Variants in ARHGAP15 observed in about 807,000 individuals in gnomAD.
ARHGAP15 encodes Rho GTPase activating protein 15.
Under a neutral mutation model 63.7 loss-of-function variants are expected in ARHGAP15, and 51 were observed. The observed-to-expected ratio is 0.80, with a 90% CI of 0.64 to 1.01. The LOEUF is 1.01. Among genes scored for constraint, ARHGAP15 ranks in the 50% least tolerant of loss-of-function variants. The probability of loss-of-function intolerance (pLI) is 0.00; values close to 1 mark genes in which losing one functional copy is unlikely to be tolerated. For missense variants in ARHGAP15, 560 were observed against 564.6 expected (o/e 0.99, Z 0.08); for synonymous variants, 191 against 193.8 (o/e 0.99, Z 0.12).
At chr2:143,185,457 G>T (rs1490743864) in intron 2 of ARHGAP15, among the ~76,000 whole-genome samples, 1 of 152,116 alleles carries the variant, frequency 6.6e-6, no homozygotes, top group Non-Finnish European at 1.5e-5. Context: ...TAATCACATG[G>T]AAGTTTCCTT....
At chr2:143,312,484 A>G (rs1450992611) in intron 6 of ARHGAP15, among the ~76,000 whole-genome samples, 1 of 151,824 alleles carries the variant, frequency 6.6e-6, no homozygotes, top group Non-Finnish European at 1.5e-5. Flanking sequence ...ATAAAAAGAA[A>G]AAAAAAGCAT....
intron 6 of ARHGAP15, among the ~76,000 whole-genome samples, chr2:143,300,804 G>A (rs918314007): frequency 3.9e-5 from 6 of 152,070 alleles, no homozygotes; most frequent in African/African-American, 1.4e-4. Flanking sequence ...GAGTCCAATT[G>A]TGTACAAGTT....
At chr2:143,590,913 A>G (rs1697294651) in intron 11 of ARHGAP15, among the ~76,000 whole-genome samples, 1 of 150,524 alleles carries the variant, frequency 6.6e-6, no homozygotes, top group South Asian at 2.1e-4. Flanking sequence ...CGCTGCTTCA[A>G]AGACTTAGTA....
chr2:143,219,034 C>T (rs1368940621), intron 4 of ARHGAP15, among the ~76,000 whole-genome samples: 1 of 152,192 alleles, frequency 6.6e-6, no homozygotes. Flanking sequence ...GCATGAACGT[C>T]TTTAAATCTA....
intron 10 of ARHGAP15, among the ~76,000 whole-genome samples, chr2:143,537,963 C>T (rs1694857757): frequency 6.6e-6 from 1 of 152,066 alleles, no homozygotes; most frequent in Non-Finnish European, 1.5e-5. Context: ...TATAAATTAC[C>T]TTGGGCAGTA....
At chr2:143,357,733 TATG>T (rs761142590) in intron 6 of ARHGAP15, among the ~76,000 whole-genome samples, 11 of 152,148 alleles carry the variant, frequency 7.2e-5, no homozygotes, top group Non-Finnish European at 1.2e-4. Context: ...CATGAAAATC[TATG>T]AAGACACATA....
intron 6 of ARHGAP15, among the ~76,000 whole-genome samples, chr2:143,369,379 C>A (rs774125371): frequency 2.6e-5 from 4 of 151,966 alleles, no homozygotes; most frequent in African/African-American, 9.7e-5. Flanking sequence ...TTTAAAATGG[C>A]AAATTATATA....
At chr2:143,164,774 C>T (rs1354116416) in intron 2 of ARHGAP15, among the ~76,000 whole-genome samples, 3 of 151,434 alleles carry the variant, frequency 2.0e-5, no homozygotes, top group African/African-American at 7.3e-5. Context: ...GGAGAAAAAG[C>T]AGCATGTTGC....
chr2:143,402,665 G>A (rs1468452054), intron 6 of ARHGAP15, among the ~76,000 whole-genome samples: 1 of 151,716 alleles, frequency 6.6e-6, no homozygotes, highest in Non-Finnish European at 1.5e-5. Flanking sequence ...CAGATATGAA[G>A]AGACCACAAT....
intron 6 of ARHGAP15, among the ~76,000 whole-genome samples, chr2:143,371,200 G>A (rs148932415): frequency 6.6e-6 from 1 of 152,146 alleles, no homozygotes; most frequent in African/African-American, 2.4e-5. Flanking sequence ...TGTGCAGAAC[G>A]TGCAGGTTTG....
At chr2:143,516,193 A>C (rs1693811392) in intron 9 of ARHGAP15, among the ~76,000 whole-genome samples, 1 of 152,212 alleles carries the variant, frequency 6.6e-6, no homozygotes, top group Non-Finnish European at 1.5e-5. Flanking sequence ...AAAATAGGGA[A>C]TGAGTCTTGG....
intron 8 of ARHGAP15, among the ~76,000 whole-genome samples, chr2:143,461,350 C>A (rs962993646): frequency 4.3e-5 from 6 of 138,408 alleles, no homozygotes; most frequent in Non-Finnish European, 9.3e-5. Context: ...TAAACAATTT[C>A]TTTTGATGTG....
intron 6 of ARHGAP15, among the ~76,000 whole-genome samples, chr2:143,427,867 A>G (rs182590636): frequency 2.0e-5 from 3 of 152,272 alleles, no homozygotes; most frequent in Admixed American, 2.0e-4. Flanking sequence ...TTTTATGACA[A>G]TAGAGAATGA....
At chr2:143,595,461 C>T (rs757051987) in intron 11 of ARHGAP15, among the ~76,000 whole-genome samples, 1 of 151,950 alleles carries the variant, frequency 6.6e-6, no homozygotes, top group Non-Finnish European at 1.5e-5. Context: ...ACGTAATGCC[C>T]CGTGGAATCC....
intron 6 of ARHGAP15, among the ~76,000 whole-genome samples, chr2:143,359,199 A>G (rs1457765682): frequency 6.6e-6 from 1 of 152,150 alleles, no homozygotes; most frequent in African/African-American, 2.4e-5. Context: ...AGTCCTCATT[A>G]TCTTAGGCAA....
At chr2:143,737,918 G>A (rs571606338) in intron 13 of ARHGAP15, among the ~76,000 whole-genome samples, 25 of 151,986 alleles carry the variant, frequency 1.6e-4, no homozygotes, top group South Asian at 1.2e-3. Flanking sequence ...CACCACACCC[G>A]GCTAAATTTT....
intron 10 of ARHGAP15, among the ~76,000 whole-genome samples, chr2:143,544,719 G>A (rs1464528407): frequency 1.3e-5 from 2 of 152,142 alleles, no homozygotes; most frequent in Non-Finnish European, 2.9e-5. Flanking sequence ...AAATTGCCTG[G>A]AGAGTTGGAA....
At chr2:143,219,343 A>G (rs1190935820) in intron 4 of ARHGAP15, among the ~76,000 whole-genome samples, 1 of 152,198 alleles carries the variant, frequency 6.6e-6, no homozygotes, top group African/African-American at 2.4e-5. Context: ...GTAGATTTGT[A>G]TAAGTACACT....
intron 11 of ARHGAP15, among the ~76,000 whole-genome samples, chr2:143,623,509 A>G (rs970141653): frequency 4.6e-5 from 7 of 152,158 alleles, no homozygotes; most frequent in African/African-American, 1.7e-4. Flanking sequence ...GTTGCTGGGC[A>G]TATTTTCCTC....
Sources: allele counts gnomAD v4.1 joint callset (sites outside exome capture counted in the v4.1 genomes callset), GRCh38; gene constraint gnomAD v4.1.1; transcripts MANE v1.5; gene names NCBI Gene and HGNC (gene_info 2026-07-23, HGNC 2026-07-21).